ZFPM2: variants seen among roughly 807,000 people sequenced by gnomAD.
ZFPM2 encodes the protein zinc finger protein ZFPM2.
ZFPM2 carries 20 observed loss-of-function variants against 98.6 expected under a neutral mutation model. That is an observed-to-expected ratio of 0.20 (90% CI 0.14 to 0.29). The LOEUF (loss-of-function observed/expected upper bound fraction) is 0.29, where lower values mean the gene tolerates loss of function less well. Ranked by LOEUF, ZFPM2 falls within the 10% of genes least tolerant of loss-of-function variation. The pLI is 1.00. For synonymous variants in ZFPM2, 518 were observed against 502.7 expected, an observed-to-expected ratio of 1.03 and a Z score of -0.41; for missense variants, 1,310 against 1,388.6, an observed-to-expected ratio of 0.94 and a Z score of 0.90.
chr8:105,422,015 C>G (rs1187890891), intron 2 of ZFPM2, among the ~76,000 whole-genome samples: 4 of 125,146 alleles, frequency 3.2e-5, no homozygotes, highest in African/African-American at 1.3e-4. Flanking sequence ...CCACCGCACT[C>G]TAGCCTGTGC....
chr8:105,519,431 A>G (rs766610654), intron 3 of ZFPM2, among the ~76,000 whole-genome samples: 2 of 152,126 alleles, frequency 1.3e-5, no homozygotes, highest in Non-Finnish European at 2.9e-5. Context: ...AAGGATGAGA[A>G]ATGATCTCGT....
chr8:105,674,001 G>A (rs1817644096), intron 5 of ZFPM2, among the ~76,000 whole-genome samples: 1 of 152,136 alleles, frequency 6.6e-6, no homozygotes, highest in Non-Finnish European at 1.5e-5. Context: ...TCCTCTGTCT[G>A]AACACTCATG....
chr8:105,417,245 A>C lies in ZFPM2; in HGVS notation c.41-1899A>C, dbSNP rs368843986. 6.0e-4 allele frequency among the ~76,000 whole-genome samples: 91 copies of C among 152,292 alleles called. 2 individuals are homozygous for C. In the South Asian group the frequency reaches 0.018, roughly 30 times the overall value. On this transcript the variant is annotated intron_variant, in intron 1 of 7. Coordinates refer to ENST00000407775, the MANE Select transcript of ZFPM2 (RefSeq NM_012082.4). ...ACTAACCTCGTGAACTTCATTTTTC[A>C]AATCTACAAAATGAAAATAGTCATA...
chr8:105,455,706 G>T (rs1009927219), intron 3 of ZFPM2, among the ~76,000 whole-genome samples: 15 of 152,118 alleles, frequency 9.9e-5, no homozygotes, highest in Non-Finnish European at 1.9e-4. Flanking sequence ...TTATATATTT[G>T]TTAGTGTCAT....
chr8:105,579,983 C>G (rs530945154), intron 4 of ZFPM2, among the ~76,000 whole-genome samples: 34 of 152,276 alleles, frequency 2.2e-4, no homozygotes, highest in African/African-American at 7.7e-4. Flanking sequence ...CAGCACACAC[C>G]TGTGCTCTCC....
intron 4 of ZFPM2, among the ~76,000 whole-genome samples, chr8:105,619,456 T>A (rs1816487837): frequency 6.6e-6 from 1 of 152,154 alleles, no homozygotes; most frequent in Non-Finnish European, 1.5e-5. Flanking sequence ...ACATAGTAGA[T>A]AACCTATAAA....
rs150092804 is a variant in ZFPM2 at position 105,545,170 on chromosome 8, G to A, written c.302-16193G>A. On this transcript the variant is annotated intron_variant, in intron 3 of 7. Coordinates refer to ENST00000407775, the MANE Select transcript of ZFPM2 (RefSeq NM_012082.4). Reference sequence around the variant, plus strand: ...TTTTGATAGAGATATTTGTAAGTGTGAGGAGCTATAGTAATTAATATTTTT... The same window carrying A: ...TTTTGATAGAGATATTTGTAAGTGTAAGGAGCTATAGTAATTAATATTTTT... 1.1e-4 allele frequency among the ~76,000 whole-genome samples: 17 copies of A among 152,236 alleles called. No individual in the cohort carries two copies. The East Asian group carries it at 1.7e-3, about 16-fold the overall frequency.
Position 105,421,781 on chromosome 8 carries a change from G to A in ZFPM2, c.199+2479G>A, listed in dbSNP as rs191185532. The stretch of plus-strand genomic sequence containing the variant: ...TTAAAAGAGTAGAAGTTGCCAGGCC[G>A]GTGACTCACGCCTGTAATCCTAGCA... On this transcript the variant is annotated intron_variant, in intron 2 of 7. Coordinates refer to ENST00000407775, the MANE Select transcript of ZFPM2 (RefSeq NM_012082.4). Among the ~76,000 whole-genome samples the A allele has an allele frequency of 1.2e-3, 184 of 152,252 alleles. 1 individual carries two copies. Among genetic ancestry groups the A allele is most frequent in the Non-Finnish European group, 4.6e-4 (31 of 68,032 alleles).
chr8:105,747,143 TATC>T (rs1812368020), intron 5 of ZFPM2, among the ~76,000 whole-genome samples: 1 of 152,124 alleles, frequency 6.6e-6, no homozygotes, highest in Admixed American at 6.6e-5. Context: ...AACTTCTTGT[TATC>T]ATCTTTATTT....
intron 3 of ZFPM2, among the ~76,000 whole-genome samples, chr8:105,524,543 A>G (rs1814131952): frequency 6.6e-6 from 1 of 152,086 alleles, no homozygotes; most frequent in African/African-American, 2.4e-5. Context: ...TTTAGCATTG[A>G]AAAATGTTCA....
chr8:105,411,968 C>T (rs1483376296), intron 1 of ZFPM2, among the ~76,000 whole-genome samples: 1 of 151,736 alleles, frequency 6.6e-6, no homozygotes, highest in African/African-American at 2.4e-5. Context: ...TGCACATGTT[C>T]TAAGAAAAAT....
At chr8:105,702,546 AAC>A (rs570536840) in intron 5 of ZFPM2, among the ~76,000 whole-genome samples, 18 of 152,226 alleles carry the variant, frequency 1.2e-4, no homozygotes, top group Non-Finnish European at 2.4e-4. Context: ...AGATTTTAAG[AAC>A]AGAGCTTTTC....
chr8:105,615,488 G>A (rs1422424263), intron 4 of ZFPM2, among the ~76,000 whole-genome samples: 1 of 152,136 alleles, frequency 6.6e-6, no homozygotes, highest in African/African-American at 2.4e-5. Flanking sequence ...GTGTGCATAG[G>A]TGTATGTGTA....
intron 1 of ZFPM2, among the ~76,000 whole-genome samples, chr8:105,377,076 T>A (rs182405703): frequency 1.3e-5 from 2 of 152,146 alleles, no homozygotes; most frequent in Non-Finnish European, 1.5e-5. Context: ...ACTGTTCCCA[T>A]TGTAGGGCTG....
At chr8:105,409,200 G>C (rs142401329) in intron 1 of ZFPM2, among the ~76,000 whole-genome samples, 1 of 151,824 alleles carries the variant, frequency 6.6e-6, no homozygotes, top group African/African-American at 2.4e-5. Context: ...GGAAGGTTTT[G>C]CTCTTCAGAA....
intron 3 of ZFPM2, among the ~76,000 whole-genome samples, chr8:105,509,874 A>T (rs79753210): frequency 0.034 from 5,240 of 152,302 alleles, 137 homozygotes; most frequent in Middle Eastern, 0.15. Context: ...GCAGAAGATA[A>T]AACACGAGGA....
At chr8:105,749,452 C>G (rs1156329237) in intron 5 of ZFPM2, among the ~76,000 whole-genome samples, 4 of 152,034 alleles carry the variant, frequency 2.6e-5, no homozygotes, top group Non-Finnish European at 5.9e-5. Context: ...GTGAAACCTG[C>G]ATTACTTCCT....
chr8:105,355,146 A>G (rs1458066166), intron 1 of ZFPM2, among the ~76,000 whole-genome samples: 1 of 152,216 alleles, frequency 6.6e-6, no homozygotes, highest in East Asian at 1.9e-4. Context: ...TCATTTAAAA[A>G]TTCTTTCTCT....
chr8:105,749,885 A>G (rs1812437221), intron 5 of ZFPM2, among the ~76,000 whole-genome samples: 2 of 152,012 alleles, frequency 1.3e-5, no homozygotes, highest in Non-Finnish European at 2.9e-5. Context: ...TGCTGGAAAT[A>G]CTGCTAGTTA....
Sources: gnomAD v4.1 joint callset for allele counts (sites outside exome capture counted in the v4.1 genomes callset) on GRCh38, gnomAD v4.1.1 for gene constraint, MANE v1.5 for transcripts, NCBI Gene and HGNC (gene_info 2026-07-23, HGNC 2026-07-21) for gene names.